JARID2: variants seen among roughly 807,000 people sequenced by gnomAD.
The protein encoded by JARID2 is protein Jumonji.
JARID2 carries 21 observed loss-of-function variants against 125.6 expected under a neutral mutation model. That is an observed-to-expected ratio of 0.17 (90% CI 0.12 to 0.24). The LOEUF is 0.24. JARID2 is among the 10% of genes least tolerant of loss of function. JARID2 has a pLI of 1.00. For synonymous variants in JARID2, 736 were observed against 661.6 expected (o/e 1.11, Z -1.73); for missense variants, 1,303 against 1,639.6 (o/e 0.79, Z 3.55).
chr6:15,305,153 C>G (rs1249987809), intron 1 of JARID2, among the ~76,000 whole-genome samples: 1 of 152,106 alleles, frequency 6.6e-6, no homozygotes, highest in East Asian at 1.9e-4. Context: ...TGTCAAAGGC[C>G]TTCCATCTTT....
At chr6:15,413,008 GTTTTTTTTT>G (rs1041543140) in intron 3 of JARID2, among the ~76,000 whole-genome samples, 4 of 47,474 alleles carry the variant, frequency 8.4e-5, no homozygotes, top group Non-Finnish European at 1.5e-4. Context: ...TTGTGTTTTT[GTTTTTTTTT>G]TTTTTGTTTT....
intron 8 of JARID2, among the ~76,000 whole-genome samples, chr6:15,503,465 G>T (rs10949304): frequency 6.6e-6 from 1 of 151,800 alleles, no homozygotes; most frequent in African/African-American, 2.4e-5. Flanking sequence ...GCTCCCTGTT[G>T]TGGCCCTATC....
chr6:15,464,371 T>A (rs963400713), intron 4 of JARID2, among the ~76,000 whole-genome samples: 3 of 152,222 alleles, frequency 2.0e-5, no homozygotes, highest in Admixed American at 2.0e-4. Flanking sequence ...TACTTCTGTT[T>A]GTCTATGACG....
intron 4 of JARID2, among the ~76,000 whole-genome samples, chr6:15,454,155 T>G (rs1768046111): frequency 6.6e-6 from 1 of 152,168 alleles, no homozygotes; most frequent in South Asian, 2.1e-4. Flanking sequence ...GTCTTTTCAG[T>G]GTAATCCACC....
chr6:15,306,094 T>TA (rs1234998813), intron 1 of JARID2, among the ~76,000 whole-genome samples: 2 of 152,162 alleles, frequency 1.3e-5, no homozygotes, highest in Non-Finnish European at 2.9e-5. Flanking sequence ...CCTCGAGGCT[T>TA]ACAGTTTTCC....
intron 12 of JARID2, chr6:15,509,498 TCATGGTGTCCTG>T (rs1771172233): frequency 3.3e-6 from 1 of 302,564 alleles, no homozygotes. Context: ...TGGACGGTGA[TCATGGTGTCCTG>T]CAGTGGGTCC....
At chr6:15,263,460 A>G (rs950124860) in intron 1 of JARID2, among the ~76,000 whole-genome samples, 1 of 152,138 alleles carries the variant, frequency 6.6e-6, no homozygotes, top group Non-Finnish European at 1.5e-5. Flanking sequence ...AATGAACTCC[A>G]TTAAGAAATA....
At chr6:15,307,157 G>A (rs55772344) in intron 1 of JARID2, among the ~76,000 whole-genome samples, 4 of 151,972 alleles carry the variant, frequency 2.6e-5, no homozygotes, top group Admixed American at 6.5e-5. Flanking sequence ...CGGGAGAATC[G>A]CCTGAACCCC....
At position 15,251,728 on chromosome 6, in the gene JARID2, C is replaced by T. The variant is rs562858370; in HGVS notation, c.45+5144C>T. 3.3e-4 allele frequency among the ~76,000 whole-genome samples: 49 copies of T among 150,466 alleles called. No individual in the cohort carries two copies. In the South Asian group the frequency reaches 0.01, roughly 31 times the overall value. ...GCGTGGTGGCTCATGCCTGTAATCC[C>T]AGCACTTTGGGAGGCTGAGGTGGGC... is the stretch of plus-strand genomic sequence containing the variant. On this transcript the variant is annotated intron_variant, in intron 1 of 17. Transcript: ENST00000341776.
At chr6:15,500,650 G>A (rs2127742869) in intron 7 of JARID2, among the ~76,000 whole-genome samples, 1 of 152,238 alleles carries the variant, frequency 6.6e-6, no homozygotes. Flanking sequence ...CAGCTTAAAT[G>A]CTGCCTCCTC....
chr6:15,413,758 A>G (rs1766006457), intron 3 of JARID2, among the ~76,000 whole-genome samples: 1 of 152,158 alleles, frequency 6.6e-6, no homozygotes, highest in Non-Finnish European at 1.5e-5. Context: ...AGTCAGTCAC[A>G]TGCCTCCACG....
At chr6:15,467,657 C>T (rs969369343) in intron 4 of JARID2, among the ~76,000 whole-genome samples, 3 of 151,790 alleles carry the variant, frequency 2.0e-5, no homozygotes, top group Non-Finnish European at 2.9e-5. Flanking sequence ...ACCTGGGCAA[C>T]ATAGCAAGAC....
At chr6:15,415,766 G>A (rs1210162686) in intron 3 of JARID2, among the ~76,000 whole-genome samples, 5 of 138,276 alleles carry the variant, frequency 3.6e-5, no homozygotes, top group Non-Finnish European at 6.4e-5. Flanking sequence ...CAGTAGGGGC[G>A]GCCTGGCAGA....
intron 3 of JARID2, among the ~76,000 whole-genome samples, chr6:15,451,078 G>A (rs1767901389): frequency 6.6e-6 from 1 of 152,180 alleles, no homozygotes; most frequent in African/African-American, 2.4e-5. Context: ...TAGGAGAATC[G>A]CTTGAACCTG....
intron 6 of JARID2, among the ~76,000 whole-genome samples, chr6:15,492,375 C>T (rs775122743): frequency 1.9e-4 from 29 of 152,352 alleles, no homozygotes; most frequent in Middle Eastern, 6.8e-3. Context: ...TCCCTCAGGA[C>T]GTGCAGCGGT....
intron 1 of JARID2, among the ~76,000 whole-genome samples, chr6:15,290,957 G>A (rs948273344): frequency 6.0e-5 from 9 of 149,994 alleles, no homozygotes; most frequent in African/African-American, 1.7e-4. Flanking sequence ...GAAAATTCAC[G>A]AGGCCAGGTG....
intron 4 of JARID2, among the ~76,000 whole-genome samples, chr6:15,455,721 G>A (rs1048233421): frequency 6.6e-6 from 1 of 151,986 alleles, no homozygotes; most frequent in South Asian, 2.1e-4. Flanking sequence ...TAGTAGAGAC[G>A]GGGTTTCACC....
At chr6:15,442,393 A>AG (rs1412545361) in intron 3 of JARID2, among the ~76,000 whole-genome samples, 17 of 152,344 alleles carry the variant, frequency 1.1e-4, no homozygotes, top group Non-Finnish European at 2.4e-4. Context: ...TGTAACTACA[A>AG]CAGCCTATTA....
intron 1 of JARID2, among the ~76,000 whole-genome samples, chr6:15,353,717 C>T (rs1158475183): frequency 6.6e-6 from 1 of 152,104 alleles, no homozygotes; most frequent in Non-Finnish European, 1.5e-5. Flanking sequence ...ACTCCTTCTA[C>T]CTCTTCAGGA....
Sources: gnomAD v4.1 joint callset for allele counts (sites outside exome capture counted in the v4.1 genomes callset) on GRCh38, gnomAD v4.1.1 for gene constraint, MANE v1.5 for transcripts, NCBI Gene and HGNC (gene_info 2026-07-23, HGNC 2026-07-21) for gene names.